NWD2: variants seen among roughly 807,000 people sequenced by gnomAD.
NWD2 encodes the protein NACHT and WD repeat domain-containing protein 2.
A neutral mutation model predicts 132.7 loss-of-function variants in NWD2; 37 were observed. That is an observed-to-expected ratio of 0.28 (90% CI 0.21 to 0.37). The LOEUF (loss-of-function observed/expected upper bound fraction) is 0.37. Ranked by LOEUF, NWD2 falls within the 10% of genes least tolerant of loss-of-function variation. The pLI, the probability that NWD2 is intolerant of heterozygous loss-of-function variation, is 1.00. For missense variants in NWD2, 1,592 were observed against 2,122.4 expected, an observed-to-expected ratio of 0.75 and a Z score of 4.91; for synonymous variants, 705 against 803.0, an observed-to-expected ratio of 0.88 and a Z score of 2.06.
chr4:37,265,791 G>C (rs921868334), intron 1 of NWD2, among the ~76,000 whole-genome samples: 1 of 151,848 alleles, frequency 6.6e-6, no homozygotes, highest in Non-Finnish European at 1.5e-5. Context: ...ATCCAAAATA[G>C]TCTCCCCATT....
chr4:37,435,273 G>A (rs1336757958), intron 5 of NWD2, among the ~76,000 whole-genome samples: 1 of 152,182 alleles, frequency 6.6e-6, no homozygotes, highest in African/African-American at 2.4e-5. Context: ...TTTTGAAATG[G>A]TGCGGCAAAG....
chr4:37,381,781 A>G (rs112979867), intron 3 of NWD2, among the ~76,000 whole-genome samples: 25 of 152,358 alleles, frequency 1.6e-4, no homozygotes, highest in African/African-American at 6.0e-4. Context: ...TACTATAAAC[A>G]GTTCTATATT....
chr4:37,253,240 C>T (rs755992752), intron 1 of NWD2, among the ~76,000 whole-genome samples: 1 of 152,182 alleles, frequency 6.6e-6, no homozygotes, highest in Non-Finnish European at 1.5e-5. Flanking sequence ...GTTAAAAAGA[C>T]TAAAGAGTTT....
At chr4:37,411,701 G>A (rs1317657967) in intron 3 of NWD2, among the ~76,000 whole-genome samples, 3 of 152,166 alleles carry the variant, frequency 2.0e-5, no homozygotes, top group South Asian at 4.1e-4. Flanking sequence ...TTTAGGGCCA[G>A]TATCTCTGAT....
At chr4:37,282,487 CCT>C (rs1319445505) in intron 1 of NWD2, among the ~76,000 whole-genome samples, 1 of 152,134 alleles carries the variant, frequency 6.6e-6, no homozygotes, top group African/African-American at 2.4e-5. Flanking sequence ...AAACTGTCTC[CCT>C]GTTAAATAAA....
rs1712717569 is a variant in NWD2, at chr4:37,449,077, A to G, written c.*1860A>G. On this transcript the variant is annotated 3_prime_UTR_variant, in exon 7 of 7. Transcript: ENST00000309447. ...ATACAGATCACCTGGAGTTGATTAT[A>G]TGAGTCTATGCTTTTGAGCTCTTTA... 1 of 152,250 alleles carries G rather than the reference A, an allele frequency of 6.6e-6. No individual in the cohort carries two copies. The highest frequency in any genetic ancestry group is 1.5e-5 in the Non-Finnish European group (1 of 68,046). 9.4% of individuals were successfully genotyped at this position (152,250 alleles called of 1,614,324 possible).
chr4:37,278,685 C>A (rs2109267097), intron 1 of NWD2, among the ~76,000 whole-genome samples: 1 of 152,258 alleles, frequency 6.6e-6, no homozygotes, highest in Non-Finnish European at 1.5e-5. Context: ...TCATAGAAAC[C>A]AGCACCATTT....
At chr4:37,249,228 A>G (rs1717303907) in intron 1 of NWD2, among the ~76,000 whole-genome samples, 2 of 152,354 alleles carry the variant, frequency 1.3e-5, no homozygotes, top group South Asian at 2.1e-4. Context: ...CATGTCAGTC[A>G]AGGTCAGGTT....
intron 2 of NWD2, among the ~76,000 whole-genome samples, chr4:37,349,613 A>T (rs959508870): frequency 6.6e-6 from 1 of 152,144 alleles, no homozygotes; most frequent in Admixed American, 6.5e-5. Context: ...AGATTGCAAA[A>T]ACTTTCTCCT....
intron 1 of NWD2, among the ~76,000 whole-genome samples, chr4:37,302,056 AATT>A (rs1406657993): frequency 6.6e-6 from 1 of 151,954 alleles, no homozygotes; most frequent in Non-Finnish European, 1.5e-5. Context: ...AAACGCTAGA[AATT>A]ATCCTATCTA....
At chr4:37,432,548 A>G (rs1712209217) in intron 4 of NWD2, among the ~76,000 whole-genome samples, 1 of 152,030 alleles carries the variant, frequency 6.6e-6, no homozygotes, top group Non-Finnish European at 1.5e-5. Context: ...CATTCTGTCT[A>G]TACATTGAGT....
rs1422247923 is a variant in NWD2 at position 37,443,045 on chromosome 4, AT to A, written c.1297-238del. Among the ~76,000 whole-genome samples the A allele has an allele frequency of 2.0e-5, 3 of 152,028 alleles. No individual in the cohort carries two copies. Among genetic ancestry groups the A allele is most frequent in the Non-Finnish European group, 4.4e-5 (3 of 68,018 alleles). On this transcript the variant is annotated intron_variant, in intron 6 of 6. Coordinates refer to ENST00000309447, the MANE Select transcript of NWD2 (RefSeq NM_001144990.2). The surrounding 1 kb of genome is among the most constrained non-coding windows in gnomAD (Gnocchi z 4.1). The stretch of plus-strand genomic sequence containing the variant: ...TATTGCCGAATGAGTGAAAAATACT[AT>A]TATTGCTACTTTAGTACACTCAGTA...
rs968995538 is a variant in NWD2 at position 37,290,182 on chromosome 4, A to G, written c.152-35754A>G. ...TCAGAGATAAATTTAGCCAACATCT[A>G]TTAAAGGGCTTACTCTGTACCAGGC... On this transcript the variant is annotated intron_variant, in intron 1 of 6. Transcript: ENST00000309447. Among the ~76,000 whole-genome samples the G allele has an allele frequency of 3.3e-5, 5 of 152,234 alleles. No individual in the cohort carries two copies. The East Asian group carries it at 5.8e-4, about 18-fold the overall frequency.
rs569129969 is a variant in NWD2, at chr4:37,382,816, G to A, written c.357+26334G>A. ...AGCAATTCTTGTGCCTCAGCCTCCC[G>A]AGTAGCTGGGATTACAGGCGCACAC... On this transcript the variant is annotated intron_variant, in intron 3 of 6. Transcript: ENST00000309447. 2.6e-4 allele frequency among the ~76,000 whole-genome samples: 40 copies of A among 151,900 alleles called. No individual in the cohort carries two copies. In the South Asian group the frequency reaches 5.6e-3, roughly 21 times the overall value.
chr4:37,376,400 G>A (rs1305361065), intron 3 of NWD2, among the ~76,000 whole-genome samples: 1 of 152,166 alleles, frequency 6.6e-6, no homozygotes, highest in Non-Finnish European at 1.5e-5. Flanking sequence ...TTTTATATAT[G>A]TATCAGCCAT....
chr4:37,270,893 T>C (rs1424852882), intron 1 of NWD2, among the ~76,000 whole-genome samples: 1 of 151,898 alleles, frequency 6.6e-6, no homozygotes, highest in African/African-American at 2.4e-5. Context: ...AGCTGTTAGG[T>C]TTAATCCAGT....
At chr4:37,363,036 C>T (rs952205325) in intron 3 of NWD2, among the ~76,000 whole-genome samples, 7 of 151,986 alleles carry the variant, frequency 4.6e-5, no homozygotes, top group Admixed American at 2.0e-4. Flanking sequence ...ACAAGTGTCC[C>T]ACAAACGTAT....
chr4:37,406,812 T>A (rs1013174322), intron 3 of NWD2, among the ~76,000 whole-genome samples: 2 of 152,194 alleles, frequency 1.3e-5, no homozygotes, highest in East Asian at 1.9e-4. Context: ...AGGAGAATTG[T>A]TTGAACCCAG....
chr4:37,280,198 T>C (rs892606189), intron 1 of NWD2, among the ~76,000 whole-genome samples: 3 of 152,176 alleles, frequency 2.0e-5, no homozygotes, highest in Non-Finnish European at 4.4e-5. Context: ...CACAAAAACA[T>C]CACCAAACTT....
Sources: gnomAD v4.1 joint callset for allele counts (sites outside exome capture counted in the v4.1 genomes callset) on GRCh38, gnomAD v4.1.1 for gene constraint, Gnocchi (gnomAD v3.1) non-coding constraint, MANE v1.5 for transcripts, NCBI Gene and HGNC (gene_info 2026-07-23, HGNC 2026-07-21) for gene names.